Variants in FAM227B observed in about 807,000 individuals in gnomAD.
FAM227B encodes the protein family with sequence similarity 227 member B.
FAM227B carries 88 observed loss-of-function variants against 73.8 expected under a neutral mutation model. The observed-to-expected ratio is 1.19, with a 90% confidence interval of 1.00 to 1.42. The LOEUF is 1.42. Among genes scored for constraint, FAM227B ranks in the 40% most tolerant of loss-of-function variants. The pLI is 0.00. For synonymous variants in FAM227B, 210 were observed against 190.5 expected, an observed-to-expected ratio of 1.10 and a Z score of -0.84; for missense variants, 632 against 590.9, an observed-to-expected ratio of 1.07 and a Z score of -0.72.
chr15:49,529,359 C>T (rs1373091957), intron 10 of FAM227B, among the ~76,000 whole-genome samples: 1 of 151,546 alleles, frequency 6.6e-6, no homozygotes, highest in South Asian at 2.1e-4. Context: ...AAAAAATGAA[C>T]TATTGGGTAC....
At chr15:49,585,635 T>C (rs1017580326) in intron 5 of FAM227B, among the ~76,000 whole-genome samples, 9 of 151,744 alleles carry the variant, frequency 5.9e-5, no homozygotes, top group Admixed American at 2.0e-4. Context: ...AGGTGGGAAT[T>C]GAACAATGAG....
In FAM227B at chr15:49,332,087, CCACACACA is replaced by C. The variant is rs377139081; in HGVS notation, c.1350-246_1350-239del. Among the ~76,000 whole-genome samples, 273 of 127,974 alleles carry C rather than the reference CCACACACA, an allele frequency of 2.1e-3. 1 individual carries two copies. Among genetic ancestry groups the C allele is most frequent in the African/African-American group, 4.4e-3 (173 of 39,016 alleles). 84.0% of individuals were successfully genotyped at this position (127,974 alleles called of 152,430 possible). A position where few individuals can be genotyped will look rare whatever the true frequency, so the allele number is the denominator to read the frequency against. The stretch of plus-strand genomic sequence containing the variant: ...CACCCCCGCTGCATGTGCACACGTG[CCACACACA>C]CACACACACACACACACACACACAT... On this transcript the variant is annotated intron_variant, in intron 14 of 15. Transcript: ENST00000299338.
chr15:49,528,278 G>A (rs2060353763), intron 10 of FAM227B, among the ~76,000 whole-genome samples: 1 of 151,844 alleles, frequency 6.6e-6, no homozygotes, highest in Non-Finnish European at 1.5e-5. Flanking sequence ...AATGGTGCTG[G>A]GAAAACTGGA....
At chr15:49,541,905 T>A in intron 9 of FAM227B, 99 bp from the exon 10 acceptor site, 1 of 957,064 alleles carries the variant, frequency 1.0e-6, no homozygotes, top group Non-Finnish European at 1.4e-6. Flanking sequence ...TGCCTTGCAA[T>A]TTATTAACCG....
chr15:49,455,469 T>A (rs1409084006), intron 11 of FAM227B, among the ~76,000 whole-genome samples: 1 of 152,160 alleles, frequency 6.6e-6, no homozygotes, highest in Non-Finnish European at 1.5e-5. Flanking sequence ...AGTAAGGCAA[T>A]GTTAAAAATA....
chr15:49,461,875 G>GC (rs1343145604), intron 11 of FAM227B, among the ~76,000 whole-genome samples: 1 of 152,090 alleles, frequency 6.6e-6, no homozygotes, highest in Non-Finnish European at 1.5e-5. Context: ...AATACACATA[G>GC]CTTTAAGACT....
chr15:49,590,076 A>T, intron 3 of FAM227B, 69 bp from the exon 4 acceptor site: 1 of 819,562 alleles, frequency 1.2e-6, no homozygotes, highest in South Asian at 1.5e-5. Flanking sequence ...TAGAGTTCAA[A>T]ACCAATGAGC....
intron 13 of FAM227B, chr15:49,365,747 C>G: frequency 2.3e-6 from 2 of 866,698 alleles, no homozygotes; most frequent in Non-Finnish European, 4.0e-6. Flanking sequence ...AAAATCCAAG[C>G]CCACCTGTCT....
At chr15:49,380,746 A>C (rs372086118) in intron 11 of FAM227B, among the ~76,000 whole-genome samples, 30 of 151,194 alleles carry the variant, frequency 2.0e-4, no homozygotes, top group African/African-American at 7.3e-4. Flanking sequence ...TTTTCTACTC[A>C]AGCTAAACAC....
chr15:49,390,171 A>G (rs2047123559), intron 11 of FAM227B, among the ~76,000 whole-genome samples: 1 of 151,992 alleles, frequency 6.6e-6, no homozygotes, highest in Non-Finnish European at 1.5e-5. Flanking sequence ...TGGAAGCTTT[A>G]AGAACCACTA....
intron 9 of FAM227B, among the ~76,000 whole-genome samples, chr15:49,567,779 T>C (rs1285853503): frequency 1.3e-5 from 2 of 152,110 alleles, no homozygotes; most frequent in African/African-American, 4.8e-5. Flanking sequence ...TATCCATCAG[T>C]TAGTACAATA....
chr15:49,466,542 CACTGAA>C (rs1447472661), intron 11 of FAM227B, among the ~76,000 whole-genome samples: 2 of 151,900 alleles, frequency 1.3e-5, no homozygotes, highest in African/African-American at 4.8e-5. Context: ...TAGAGTATAC[CACTGAA>C]ACTTTTGAAG....
At chr15:49,618,496 T>C (rs1321863806) in intron 1 of FAM227B, among the ~76,000 whole-genome samples, 1 of 152,230 alleles carries the variant, frequency 6.6e-6, no homozygotes, top group Admixed American at 6.5e-5. Flanking sequence ...AAAAGTTGTA[T>C]TAAAAGTTAA....
chr15:49,401,564 C>A (rs1165486182), intron 11 of FAM227B, among the ~76,000 whole-genome samples: 5 of 147,144 alleles, frequency 3.4e-5, no homozygotes, highest in Non-Finnish European at 6.1e-5. Context: ...ATGTTTATTG[C>A]GGCATTATTC....
At chr15:49,619,278 A>G (rs1372264466) in intron 1 of FAM227B, among the ~76,000 whole-genome samples, 1 of 152,190 alleles carries the variant, frequency 6.6e-6, no homozygotes. Context: ...ATCCTTTGAG[A>G]AGAGGGATCT....
chr15:49,480,706 T>C lies in FAM227B; in HGVS notation c.1012+27505A>G, dbSNP rs148193050. 7.3e-3 allele frequency among the ~76,000 whole-genome samples: 1,113 copies of C among 152,064 alleles called. 27 individuals carry two copies. Among genetic ancestry groups the C allele is most frequent in the African/African-American group, 0.026 (1,064 of 41,470 alleles). On this transcript the variant is annotated intron_variant, in intron 11 of 15. Coordinates refer to ENST00000299338, the MANE Select transcript of FAM227B (RefSeq NM_152647.3). ...CCATGTTGGCCAGGTTAGTATTGAA[T>C]TCCTGACCTCAAGTGTTCCGCCTGA...
intron 13 of FAM227B, among the ~76,000 whole-genome samples, chr15:49,359,691 G>C (rs1246956528): frequency 1.5e-5 from 2 of 137,806 alleles, no homozygotes; most frequent in African/African-American, 5.5e-5. Context: ...CGATTCCTCA[G>C]GGATCTAGAA....
chr15:49,388,079 A>C (rs2046988596), intron 11 of FAM227B, among the ~76,000 whole-genome samples: 1 of 151,704 alleles, frequency 6.6e-6, no homozygotes, highest in Admixed American at 6.6e-5. Flanking sequence ...CAGATTTAAT[A>C]CAATTCCCAT....
chr15:49,366,436 T>C, intron 13 of FAM227B: 2 of 909,724 alleles, frequency 2.2e-6, no homozygotes, highest in Non-Finnish European at 3.7e-6. Context: ...CTTTGTTCTT[T>C]ATGTCAACAG....
Sources: gnomAD v4.1 joint callset for allele counts (sites outside exome capture counted in the v4.1 genomes callset) on GRCh38, gnomAD v4.1.1 for gene constraint, MANE v1.5 for transcripts, NCBI Gene and HGNC (gene_info 2026-07-23, HGNC 2026-07-21) for gene names.